KIAA1217: variants seen among roughly 807,000 people sequenced by gnomAD.
KIAA1217 encodes sickle tail protein homolog.
KIAA1217 carries 88 observed loss-of-function variants against 163.9 expected under a neutral mutation model. That is an observed-to-expected ratio of 0.54 (90% confidence interval 0.45 to 0.64). The LOEUF (loss-of-function observed/expected upper bound fraction) is 0.64, where lower values mean the gene tolerates loss of function less well. Ranked by LOEUF, KIAA1217 falls within the 30% of genes least tolerant of loss-of-function variation. The pLI is 0.00. For missense variants in KIAA1217, 2,372 were observed against 2,475.0 expected, an observed-to-expected ratio of 0.96 and a Z score of 0.88; for synonymous variants, 903 against 923.1, an observed-to-expected ratio of 0.98 and a Z score of 0.39.
chr10:23,727,763 A>G (rs1486904941), intron 1 of KIAA1217, among the ~76,000 whole-genome samples: 3 of 152,048 alleles, frequency 2.0e-5, no homozygotes, highest in African/African-American at 7.2e-5. Context: ...TATCATCTAC[A>G]TTAGGTATTT....
At chr10:24,141,880 GT>G (rs935384197) in intron 2 of KIAA1217, among the ~76,000 whole-genome samples, 2 of 151,068 alleles carry the variant, frequency 1.3e-5, no homozygotes, top group Admixed American at 1.3e-4. Flanking sequence ...TTTTTTTAGT[GT>G]TTTTTATGTG....
chr10:24,120,034 C>T (rs1199504262), intron 2 of KIAA1217, among the ~76,000 whole-genome samples: 1 of 152,192 alleles, frequency 6.6e-6, no homozygotes, highest in Non-Finnish European at 1.5e-5. Flanking sequence ...ATACTGTCTG[C>T]CTCGACCTCC....
intron 1 of KIAA1217, among the ~76,000 whole-genome samples, chr10:23,928,949 A>G (rs750175268): frequency 1.4e-4 from 22 of 152,162 alleles, no homozygotes; most frequent in Non-Finnish European, 2.6e-4. Context: ...TGACAAGTCA[A>G]CTATGCAAAG....
intron 1 of KIAA1217, among the ~76,000 whole-genome samples, chr10:23,762,240 A>T (rs1364224002): frequency 3.9e-5 from 6 of 152,170 alleles, no homozygotes; most frequent in Admixed American, 3.9e-4. Context: ...AACAATTGAA[A>T]AGAAGGGACT....
At chr10:24,491,286 C>CTT (rs1169407580) in intron 6 of KIAA1217, among the ~76,000 whole-genome samples, 342 of 114,704 alleles carry the variant, frequency 3.0e-3, no homozygotes, top group African/African-American at 4.9e-3. Context: ...TTTTTTTTTC[C>CTT]TTTTTTTTTT....
In KIAA1217 at chr10:23,965,686, A is replaced by AT. The variant is rs560855205; in HGVS notation, c.-320-41534dup. On this transcript the variant is annotated intron_variant, in intron 1 of 18. Transcript: ENST00000376462. The stretch of plus-strand genomic sequence containing the variant: ...AGAGCAAAGGCATAGCAGTAAATGG[A>AT]TTTTTAAAATAACCCACAGCAACAC... Among the ~76,000 whole-genome samples, 65 of 152,304 alleles carry AT rather than the reference A, an allele frequency of 4.3e-4. No homozygotes were observed. The East Asian group carries it at 8.1e-3, about 19-fold the overall frequency.
chr10:24,013,518 C>A (rs914129334), intron 2 of KIAA1217, among the ~76,000 whole-genome samples: 1 of 152,074 alleles, frequency 6.6e-6, no homozygotes, highest in Non-Finnish European at 1.5e-5. Context: ...AATTCAACAT[C>A]CATGTCTGTG....
At chr10:24,034,830 T>A (rs149148861) in intron 2 of KIAA1217, among the ~76,000 whole-genome samples, 51 of 152,328 alleles carry the variant, frequency 3.3e-4, no homozygotes, top group Admixed American at 1.4e-3. Flanking sequence ...TGCCTTCCCA[T>A]CTGCTCTTCA....
At chr10:23,812,263 C>A (rs1837100495) in intron 1 of KIAA1217, among the ~76,000 whole-genome samples, 1 of 152,102 alleles carries the variant, frequency 6.6e-6, no homozygotes, top group Admixed American at 6.6e-5. Context: ...ATACACATTC[C>A]ATGCTTTTGC....
chr10:23,787,065 C>CT (rs57055876), intron 1 of KIAA1217, among the ~76,000 whole-genome samples: 2,891 of 152,152 alleles, frequency 0.019, 96 homozygotes, highest in African/African-American at 0.066. Context: ...ATCTTTGAGT[C>CT]TTTTTTGCAT....
chr10:24,038,436 G>A (rs1368838532), intron 2 of KIAA1217, among the ~76,000 whole-genome samples: 1 of 152,156 alleles, frequency 6.6e-6, no homozygotes, highest in Non-Finnish European at 1.5e-5. Flanking sequence ...AACCAAGCAT[G>A]GTCACTGAAA....
intron 1 of KIAA1217, among the ~76,000 whole-genome samples, chr10:23,893,424 G>A (rs991897152): frequency 6.6e-6 from 1 of 151,762 alleles, no homozygotes; most frequent in Non-Finnish European, 1.5e-5. Context: ...CAATTTTGTT[G>A]ATGCTTTCAA....
intron 3 of KIAA1217, among the ~76,000 whole-genome samples, chr10:24,417,744 A>G (rs1474563123): frequency 1.3e-5 from 2 of 152,054 alleles, no homozygotes; most frequent in Non-Finnish European, 2.9e-5. Flanking sequence ...AGCATCCCAC[A>G]TTTACTGTTT....
chr10:23,896,853 T>A (rs1841728868), intron 1 of KIAA1217, among the ~76,000 whole-genome samples: 1 of 152,088 alleles, frequency 6.6e-6, no homozygotes, highest in Non-Finnish European at 1.5e-5. Flanking sequence ...AATAGACTTC[T>A]TAAAATGAAC....
chr10:24,494,371 G>A (rs2066510662), intron 6 of KIAA1217, 129 bp from the exon 7 acceptor site: 1 of 701,902 alleles, frequency 1.4e-6, no homozygotes, highest in Non-Finnish European at 2.5e-6. Flanking sequence ...TCATGTTCCT[G>A]AGCCAGGTTG....
chr10:24,358,025 A>T (rs1209233240), intron 2 of KIAA1217, among the ~76,000 whole-genome samples: 1 of 152,226 alleles, frequency 6.6e-6, no homozygotes, highest in Non-Finnish European at 1.5e-5. Flanking sequence ...TAAGCCCCCA[A>T]ATCAAGCAAG....
chr10:23,854,011 C>T (rs1203842789), intron 1 of KIAA1217, among the ~76,000 whole-genome samples: 1 of 152,140 alleles, frequency 6.6e-6, no homozygotes, highest in Non-Finnish European at 1.5e-5. Flanking sequence ...GTCTCTATTT[C>T]CTTCAGTTCT....
chr10:24,074,832 T>C (rs1258710941), intron 2 of KIAA1217, among the ~76,000 whole-genome samples: 1 of 151,806 alleles, frequency 6.6e-6, no homozygotes, highest in African/African-American at 2.4e-5. Context: ...CCTAAGTAGC[T>C]GACACTACAG....
chr10:24,393,848 C>G (rs1164434126), intron 3 of KIAA1217, among the ~76,000 whole-genome samples: 2 of 152,146 alleles, frequency 1.3e-5, no homozygotes, highest in African/African-American at 4.8e-5. Context: ...GTTGTTTAAG[C>G]CCCTTAGCAC....
Sources: gnomAD v4.1 joint callset for allele counts (sites outside exome capture counted in the v4.1 genomes callset) on GRCh38, gnomAD v4.1.1 for gene constraint, MANE v1.5 for transcripts, NCBI Gene and HGNC (gene_info 2026-07-23, HGNC 2026-07-21) for gene names.